The following ADARB2 variants were observed in gnomAD, a reference collection of about 807,000 sequenced individuals.
ADARB2 encodes adenosine deaminase RNA specific B2 (inactive).
Under a neutral mutation model 62.2 loss-of-function variants are expected in ADARB2, and 25 were observed. The ratio of observed to expected loss-of-function variants is 0.40; its 90% CI spans 0.29 to 0.56. The LOEUF is 0.56. Among genes scored for constraint, ADARB2 ranks in the 20% least tolerant of loss-of-function variants. The probability of loss-of-function intolerance (pLI) is 0.43; values close to 1 mark genes in which losing one functional copy is unlikely to be tolerated. For synonymous variants in ADARB2, 572 were observed against 500.8 expected, an observed-to-expected ratio of 1.14 and a Z score of -1.90; for missense variants, 1,071 against 1,077.4, an observed-to-expected ratio of 0.99 and a Z score of 0.08.
At chr10:1,369,042 C>T (rs868800788) in intron 2 of ADARB2, among the ~76,000 whole-genome samples, 9 of 152,010 alleles carry the variant, frequency 5.9e-5, no homozygotes, top group Non-Finnish European at 8.8e-5. Context: ...CCGCCCCTGG[C>T]GGCCTCTTGC....
intron 1 of ADARB2, among the ~76,000 whole-genome samples, chr10:1,680,655 T>C (rs1462930601): frequency 6.6e-6 from 1 of 152,196 alleles, no homozygotes; most frequent in African/African-American, 2.4e-5. Flanking sequence ...ACAGCTTTAT[T>C]AGAGAAAGGC....
chr10:1,459,620 G>A (rs1404755079), intron 1 of ADARB2, among the ~76,000 whole-genome samples: 1 of 152,204 alleles, frequency 6.6e-6, no homozygotes, highest in East Asian at 1.9e-4. Flanking sequence ...AAAATTAGCT[G>A]GGCGTGTGGC....
rs1832280767 is a variant in ADARB2, at chr10:1,363,418, G to A, written c.687C>T (p.Pro229=). ...FPDTLFQEFE[P]PAPRPGLAGG... ...CCGCGAGTCCGGGGCGCGGCGCCGG[G>A]GGCTCGAACTCCTGGAAGAGCGTGT... is the stretch of plus-strand genomic sequence containing the variant. Residue 229 remains proline (P), a synonymous_variant, in exon 3 of 10, where the codon CCC becomes CCT. Transcript: ENST00000381312. 3.7e-6 allele frequency: 5 copies of A among 1,369,750 alleles called. No homozygotes were observed. The highest frequency in any genetic ancestry group is 1.5e-5 in the African/African-American group (1 of 65,126). The allele number at this position is 1,369,750 out of a possible 1,614,324, so 84.8% of individuals were successfully genotyped here.
intron 6 of ADARB2, among the ~76,000 whole-genome samples, chr10:1,224,404 G>A (rs1830726498): frequency 6.6e-6 from 1 of 151,918 alleles, no homozygotes; most frequent in Admixed American, 6.6e-5. Flanking sequence ...TTTTTGAAGG[G>A]TTTTTTGTGT....
At position 1,693,953 on chromosome 10, in the gene ADARB2, A is replaced by C. The variant is rs1036548252; in HGVS notation, c.100+43098T>G. 4.6e-5 allele frequency among the ~76,000 whole-genome samples: 7 copies of C among 152,256 alleles called. No homozygotes were observed. In the East Asian group the frequency reaches 1.3e-3, roughly 29 times the overall value. ...TTTCCCAAAGTGTGTACCACGGAAC[A>C]CTAGTTCCTTGGAATGGCAGGGGAC... On this transcript the variant is annotated intron_variant, in intron 1 of 9. Transcript: ENST00000381312.
At chr10:1,696,874 C>T (rs529900958) in intron 1 of ADARB2, among the ~76,000 whole-genome samples, 1 of 152,324 alleles carries the variant, frequency 6.6e-6, no homozygotes, top group South Asian at 2.1e-4. Flanking sequence ...CAAGTTTGTC[C>T]AACCTGCAGC....
intron 4 of ADARB2, among the ~76,000 whole-genome samples, chr10:1,268,749 T>C (rs958440636): frequency 1.3e-5 from 2 of 152,256 alleles, no homozygotes; most frequent in Admixed American, 1.3e-4. Context: ...TTAAGCAAGT[T>C]ATTCTTCAGC....
chr10:1,202,687 G>C (rs1357523593), intron 7 of ADARB2, among the ~76,000 whole-genome samples: 1 of 152,224 alleles, frequency 6.6e-6, no homozygotes, highest in Non-Finnish European at 1.5e-5. Context: ...TGTGGTCCCA[G>C]TGGGCCTGTT....
At chr10:1,512,511 G>T (rs1002959672) in intron 1 of ADARB2, among the ~76,000 whole-genome samples, 2 of 152,194 alleles carry the variant, frequency 1.3e-5, no homozygotes, top group African/African-American at 4.8e-5. Flanking sequence ...AACAGAATGA[G>T]GTCAGTATCA....
chr10:1,359,038 A>T (rs1475910839), intron 3 of ADARB2, among the ~76,000 whole-genome samples: 1 of 152,238 alleles, frequency 6.6e-6, no homozygotes, highest in East Asian at 1.9e-4. Context: ...TGGGGAGCAA[A>T]CTGAAGAGAG....
intron 8 of ADARB2, among the ~76,000 whole-genome samples, chr10:1,198,538 C>T (rs1423122682): frequency 3.3e-5 from 5 of 152,178 alleles, no homozygotes; most frequent in East Asian, 3.9e-4. Flanking sequence ...GGCTCATTTG[C>T]ATCTGCAAAA....
intron 1 of ADARB2, among the ~76,000 whole-genome samples, chr10:1,735,985 C>G (rs1460130578): frequency 6.6e-6 from 1 of 152,190 alleles, no homozygotes; most frequent in African/African-American, 2.4e-5. Flanking sequence ...GATGGACAAC[C>G]CCAAACACAC....
intron 8 of ADARB2, among the ~76,000 whole-genome samples, chr10:1,186,084 G>T (rs993954245): frequency 2.0e-5 from 3 of 152,182 alleles, no homozygotes; most frequent in African/African-American, 4.8e-5. Context: ...ATGAGATTCC[G>T]GTGCAGCTGA....
Position 1,242,152 on chromosome 10 carries a change from G to T in ADARB2, c.1340C>A (p.Thr447Lys). The change falls in exon 5 of 10, where the codon ACG (threonine) becomes AAG (lysine). Residue 447 changes from threonine to lysine, a missense_variant. Physicochemically the swap from Thr to Lys is moderately conservative, Grantham distance 78 (BLOSUM62 -1). Transcript: ENST00000381312. ...ARRAFLHFLY[T>K]QLELHLSKRR... Reference sequence around the variant, plus strand: ...TCACCTCAGGTGCAGCTCCAGCTGCGTGTAGAGGAAGTGCAGGAACGCCCG... The same window carrying T: ...TCACCTCAGGTGCAGCTCCAGCTGCTTGTAGAGGAAGTGCAGGAACGCCCG... The T allele has an allele frequency of 6.2e-7, 1 of 1,609,196 alleles. No homozygotes were observed. Among genetic ancestry groups the T allele is most frequent in the Non-Finnish European group, 8.5e-7 (1 of 1,179,450 alleles).
At chr10:1,451,644 G>T (rs1274645041) in intron 1 of ADARB2, among the ~76,000 whole-genome samples, 3 of 140,838 alleles carry the variant, frequency 2.1e-5, no homozygotes, top group East Asian at 2.0e-4. Flanking sequence ...GGACACACCT[G>T]TATGAGAAGG....
chr10:1,713,738 G>C (rs1448338490), intron 1 of ADARB2, among the ~76,000 whole-genome samples: 1 of 152,192 alleles, frequency 6.6e-6, no homozygotes, highest in East Asian at 1.9e-4. Context: ...CCATGCTCCG[G>C]TCCCGTGGGG....
chr10:1,602,324 A>G (rs935100347), intron 1 of ADARB2, among the ~76,000 whole-genome samples: 1 of 152,122 alleles, frequency 6.6e-6, no homozygotes, highest in Admixed American at 6.5e-5. Context: ...TCTGCTTTCA[A>G]TGCCACTTTT....
intron 1 of ADARB2, among the ~76,000 whole-genome samples, chr10:1,630,956 AAAACAAACAAACAAAC>A (rs57053077): frequency 1.7e-4 from 25 of 149,480 alleles, no homozygotes; most frequent in African/African-American, 4.0e-4. Context: ...CTCCTTCTCA[AAAACAAACAAACAAAC>A]AAACAAACAA....
chr10:1,506,056 A>G (rs1014907170), intron 1 of ADARB2, among the ~76,000 whole-genome samples: 6 of 152,024 alleles, frequency 3.9e-5, no homozygotes, highest in African/African-American at 1.5e-4. Context: ...ATAATCTATT[A>G]TCAGATTTTA....
Sources: allele counts gnomAD v4.1 joint callset (sites outside exome capture counted in the v4.1 genomes callset), GRCh38; gene constraint gnomAD v4.1.1; transcripts MANE v1.5; gene names NCBI Gene and HGNC (gene_info 2026-07-23, HGNC 2026-07-21).